Variants in CSMD1 observed in about 807,000 individuals in gnomAD.
CSMD1 encodes CUB and sushi domain-containing protein 1.
A neutral mutation model predicts 417.5 loss-of-function variants in CSMD1; 213 were observed. The observed-to-expected ratio is 0.51, with a 90% CI of 0.46 to 0.57. The LOEUF (loss-of-function observed/expected upper bound fraction) is 0.57, where lower values mean the gene tolerates loss of function less well. Ranked by LOEUF, CSMD1 falls within the 20% of genes least tolerant of loss-of-function variation. The probability of loss-of-function intolerance (pLI) is 0.00; values close to 1 mark genes in which losing one functional copy is unlikely to be tolerated. For missense variants in CSMD1, 6,923 were observed against 4,529.7 expected (o/e 1.53, Z -15.17); for synonymous variants, 2,862 against 1,736.8 (o/e 1.65, Z -16.11).
At chr8:4,304,084 A>G (rs530757437) in intron 3 of CSMD1, among the ~76,000 whole-genome samples, 1 of 152,286 alleles carries the variant, frequency 6.6e-6, no homozygotes, top group South Asian at 2.1e-4. Flanking sequence ...CCCTTGAAAT[A>G]CCATTGTGTT....
chr8:3,836,032 A>G (rs554628686), intron 5 of CSMD1, among the ~76,000 whole-genome samples: 1 of 152,166 alleles, frequency 6.6e-6, no homozygotes, highest in Non-Finnish European at 1.5e-5. Context: ...CTGTTTCATT[A>G]GCTTTTTCTA....
At chr8:3,236,246 T>C (rs768324995) in intron 26 of CSMD1, among the ~76,000 whole-genome samples, 1 of 152,130 alleles carries the variant, frequency 6.6e-6, no homozygotes, top group African/African-American at 2.4e-5. Context: ...AAAATAATTA[T>C]ATATACATTT....
intron 1 of CSMD1, among the ~76,000 whole-genome samples, chr8:4,907,305 GC>G (rs1805349832): frequency 6.6e-6 from 1 of 152,050 alleles, no homozygotes; most frequent in South Asian, 2.1e-4. Context: ...TACTATAAAA[GC>G]CAAAAGAACT....
rs2130806530 is a variant in CSMD1, at chr8:4,617,728, C to A, written c.302+19614G>T. Among the ~76,000 whole-genome samples the A allele has an allele frequency of 1.3e-5, 2 of 152,206 alleles. 1 individual carries two copies. The highest frequency in any genetic ancestry group is 4.2e-4 in the South Asian group (2 of 4,816). The stretch of plus-strand genomic sequence containing the variant: ...TCATCACTCCACTTATTACCTACCC[C>A]AACACCTTGTTTAATTTCCTATTTG... On this transcript the variant is annotated intron_variant, in intron 2 of 69. Transcript: ENST00000635120.
At chr8:4,007,922 A>C (rs2740964) in intron 4 of CSMD1, among the ~76,000 whole-genome samples, 36 of 152,110 alleles carry the variant, frequency 2.4e-4, no homozygotes, top group African/African-American at 8.2e-4. Flanking sequence ...TAGTCTATAA[A>C]AACTGCCTCA....
At chr8:4,364,313 A>G (rs897264806) in intron 3 of CSMD1, among the ~76,000 whole-genome samples, 4 of 152,202 alleles carry the variant, frequency 2.6e-5, no homozygotes, top group African/African-American at 7.2e-5. Flanking sequence ...GGTCCTCTTG[A>G]TAAGACTAGG....
intron 69 of CSMD1, among the ~76,000 whole-genome samples, chr8:2,939,501 T>C (rs552833871): frequency 2.0e-5 from 3 of 152,344 alleles, no homozygotes; most frequent in Admixed American, 6.5e-5. Flanking sequence ...ATTTTCAGAC[T>C]GAAAAGACAG....
chr8:3,175,659 G>A (rs779467820), intron 37 of CSMD1, among the ~76,000 whole-genome samples: 2 of 146,528 alleles, frequency 1.4e-5, no homozygotes, highest in Non-Finnish European at 3.0e-5. Flanking sequence ...CGTTCCCTCT[G>A]CATAGGCTTC....
intron 3 of CSMD1, among the ~76,000 whole-genome samples, chr8:4,149,368 G>T (rs186299960): frequency 6.6e-6 from 1 of 152,080 alleles, no homozygotes; most frequent in African/African-American, 2.4e-5. Flanking sequence ...ATACACTTTG[G>T]TATAATAAAA....
At chr8:3,743,281 C>G (rs756420456) in intron 6 of CSMD1, among the ~76,000 whole-genome samples, 1 of 152,172 alleles carries the variant, frequency 6.6e-6, no homozygotes, top group African/African-American at 2.4e-5. Context: ...GAACATGAAG[C>G]GAATTCTGCC....
intron 5 of CSMD1, among the ~76,000 whole-genome samples, chr8:3,973,322 T>A (rs1379865126): frequency 6.6e-6 from 1 of 152,196 alleles, no homozygotes; most frequent in African/African-American, 2.4e-5. Flanking sequence ...CAGTTGAATG[T>A]CTGCACTCTG....
chr8:3,983,947 G>T (rs576731299), intron 5 of CSMD1, among the ~76,000 whole-genome samples: 14 of 152,150 alleles, frequency 9.2e-5, no homozygotes, highest in Non-Finnish European at 1.3e-4. Flanking sequence ...CAACTCTAGA[G>T]CACATTGCAG....
intron 3 of CSMD1, among the ~76,000 whole-genome samples, chr8:4,211,177 A>G (rs529053854): frequency 4.0e-5 from 6 of 151,672 alleles, no homozygotes; most frequent in Non-Finnish European, 8.8e-5. Flanking sequence ...ACATCCTTGT[A>G]CATGTATTTC....
intron 1 of CSMD1, among the ~76,000 whole-genome samples, chr8:4,982,357 T>C (rs1810939984): frequency 6.6e-6 from 1 of 152,242 alleles, no homozygotes; most frequent in Admixed American, 6.5e-5. Flanking sequence ...TCTTGAGTTG[T>C]TCCTGGTGGC....
At chr8:4,068,793 A>G (rs993433274) in intron 3 of CSMD1, among the ~76,000 whole-genome samples, 12 of 152,220 alleles carry the variant, frequency 7.9e-5, no homozygotes, top group Admixed American at 2.6e-4. Context: ...ATTACATAAT[A>G]AAACTACTGA....
chr8:3,137,368 G>A (rs1005093917), intron 41 of CSMD1, among the ~76,000 whole-genome samples: 12 of 152,224 alleles, frequency 7.9e-5, no homozygotes, highest in Non-Finnish European at 1.6e-4. Context: ...ATGCAGCACG[G>A]CAGAAAGTCC....
intron 2 of CSMD1, among the ~76,000 whole-genome samples, chr8:4,614,892 G>C (rs1457525156): frequency 6.6e-6 from 1 of 152,044 alleles, no homozygotes; most frequent in Non-Finnish European, 1.5e-5. Context: ...ATTTTCTCTA[G>C]AGTAAAAAAT....
chr8:3,170,505 G>T (rs914085519), intron 37 of CSMD1, among the ~76,000 whole-genome samples: 2 of 152,174 alleles, frequency 1.3e-5, no homozygotes, highest in African/African-American at 4.8e-5. Flanking sequence ...ACCGTGCCCG[G>T]CCCGAGCTTT....
chr8:3,206,830 T>G (rs1047694622), intron 30 of CSMD1, among the ~76,000 whole-genome samples: 1 of 152,156 alleles, frequency 6.6e-6, no homozygotes, highest in Admixed American at 6.5e-5. Context: ...TAAAGCATCA[T>G]GGAAGAGACC....
Sources: allele counts gnomAD v4.1 joint callset (sites outside exome capture counted in the v4.1 genomes callset), GRCh38; gene constraint gnomAD v4.1.1; transcripts MANE v1.5; gene names NCBI Gene and HGNC (gene_info 2026-07-23, HGNC 2026-07-21).